Variants in SLC16A12 observed in about 807,000 individuals in gnomAD.
The protein encoded by SLC16A12 is solute carrier family 16 member 12, also known as monocarboxylate transporter 12.
A neutral mutation model predicts 42.4 loss-of-function variants in SLC16A12; 17 were observed. The observed-to-expected ratio is 0.40, with a 90% confidence interval of 0.27 to 0.60. The LOEUF (loss-of-function observed/expected upper bound fraction) is 0.60. Among genes scored for constraint, SLC16A12 ranks in the 20% least tolerant of loss-of-function variants. SLC16A12 has a pLI of 0.42. For synonymous variants in SLC16A12, 224 were observed against 229.4 expected (o/e 0.98, Z 0.21); for missense variants, 544 against 623.0 (o/e 0.87, Z 1.35).
At chr10:89,498,314 A>C (rs1472460165) in intron 2 of SLC16A12, among the ~76,000 whole-genome samples, 1 of 152,192 alleles carries the variant, frequency 6.6e-6, no homozygotes, top group South Asian at 2.1e-4. Context: ...CCTGGTTAAC[A>C]AAAAGAGACT....
intron 2 of SLC16A12, among the ~76,000 whole-genome samples, chr10:89,543,095 T>C (rs1843725133): frequency 6.6e-6 from 1 of 152,238 alleles, no homozygotes; most frequent in African/African-American, 2.4e-5. Context: ...GTAACTTCCC[T>C]TGAAAGGCAT....
intron 2 of SLC16A12, among the ~76,000 whole-genome samples, chr10:89,532,675 C>G (rs12354790): frequency 6.6e-6 from 1 of 152,084 alleles, no homozygotes; most frequent in Non-Finnish European, 1.5e-5. Flanking sequence ...TGGCTGTATA[C>G]GACTGAAAAA....
intron 2 of SLC16A12, among the ~76,000 whole-genome samples, chr10:89,550,714 T>C (rs1843765747): frequency 6.6e-6 from 1 of 151,876 alleles, no homozygotes; most frequent in Non-Finnish European, 1.5e-5. Flanking sequence ...TACTTAGCTA[T>C]GTTGGCTTTT....
chr10:89,446,365 G>T (rs1001384729), intron 3 of SLC16A12, among the ~76,000 whole-genome samples: 1 of 152,122 alleles, frequency 6.6e-6, no homozygotes, highest in Admixed American at 6.5e-5. Context: ...GAGAAAGGTC[G>T]GGTTACCCAC....
At chr10:89,467,675 T>C (rs1842425642) in intron 2 of SLC16A12, among the ~76,000 whole-genome samples, 1 of 152,130 alleles carries the variant, frequency 6.6e-6, no homozygotes, top group African/African-American at 2.4e-5. Flanking sequence ...TCACAAAGAG[T>C]AGGAAGAATA....
chr10:89,475,295 A>G (rs1842560246), intron 2 of SLC16A12, among the ~76,000 whole-genome samples: 1 of 152,144 alleles, frequency 6.6e-6, no homozygotes, highest in Non-Finnish European at 1.5e-5. Flanking sequence ...TCCAGCTGGT[A>G]GCCTTACAGA....
At chr10:89,514,809 G>A (rs1843221404) in intron 2 of SLC16A12, among the ~76,000 whole-genome samples, 1 of 152,226 alleles carries the variant, frequency 6.6e-6, no homozygotes, top group Non-Finnish European at 1.5e-5. Flanking sequence ...CGGGCCGGGT[G>A]CGCGGGTGCA....
intron 2 of SLC16A12, among the ~76,000 whole-genome samples, chr10:89,518,966 C>T (rs1317899709): frequency 6.6e-6 from 1 of 152,154 alleles, no homozygotes; most frequent in Non-Finnish European, 1.5e-5. Context: ...TAAATATACA[C>T]TATGATCACA....
In SLC16A12 at chr10:89,438,878, C is replaced by T; in HGVS notation, c.754G>A (p.Val252Met). The part of the protein sequence containing the change: ...CRTQKEDIKR[V>M]SPYSSLTKEW... ...TTGGTCAAAGATGAATAGGGAGACA[C>T]CCGCTTAATGTCTTCTTTCTGAGTT... Residue 252 changes from valine (V) to methionine (M), a missense_variant, in exon 6 of 8, where the codon GTG (valine) becomes ATG (methionine). Coordinates refer to ENST00000371790, the MANE Select transcript of SLC16A12 (RefSeq NM_213606.4). The T allele has an allele frequency of 1.2e-6, 2 of 1,612,606 alleles. No individual in the cohort carries two copies. Among genetic ancestry groups the T allele is most frequent in the African/African-American group, 2.7e-5 (2 of 74,492 alleles).
At chr10:89,473,733 C>A (rs1372326517) in intron 2 of SLC16A12, among the ~76,000 whole-genome samples, 1 of 152,064 alleles carries the variant, frequency 6.6e-6, no homozygotes, top group Non-Finnish European at 1.5e-5. Context: ...TTTTAGGGTA[C>A]CTTTGTAACC....
chr10:89,543,538 T>G (rs1430949879), intron 2 of SLC16A12, among the ~76,000 whole-genome samples: 1 of 152,130 alleles, frequency 6.6e-6, no homozygotes, highest in Non-Finnish European at 1.5e-5. Flanking sequence ...CTTATAAAAG[T>G]GCTTAGCTGG....
chr10:89,526,201 G>A (rs540104379), intron 2 of SLC16A12, among the ~76,000 whole-genome samples: 74 of 152,162 alleles, frequency 4.9e-4, no homozygotes, highest in African/African-American at 1.6e-3. Context: ...GTACATGGGG[G>A]AATTATAAAA....
chr10:89,530,992 T>C (rs1044509365), intron 2 of SLC16A12, among the ~76,000 whole-genome samples: 3 of 152,218 alleles, frequency 2.0e-5, no homozygotes, highest in African/African-American at 7.2e-5. Context: ...GCAGCATGTG[T>C]TGATATATTT....
At chr10:89,434,834 A>C (rs76385134) in intron 7 of SLC16A12, among the ~76,000 whole-genome samples, 1,527 of 152,336 alleles carry the variant, frequency 0.01, 14 homozygotes, top group South Asian at 0.049. Flanking sequence ...GCTGGTTGAA[A>C]ATGCAGATTT....
chr10:89,507,750 G>T (rs953852364), intron 2 of SLC16A12, among the ~76,000 whole-genome samples: 2 of 150,780 alleles, frequency 1.3e-5, no homozygotes, highest in African/African-American at 4.9e-5. Context: ...AATGTAAATG[G>T]GCTAAATGCC....
intron 3 of SLC16A12, among the ~76,000 whole-genome samples, chr10:89,444,762 G>A (rs959517018): frequency 6.6e-6 from 1 of 152,232 alleles, no homozygotes; most frequent in African/African-American, 2.4e-5. Flanking sequence ...GTTGGACAGT[G>A]GGTGTAGCCC....
chr10:89,510,751 A>G (rs1843149874), intron 2 of SLC16A12, among the ~76,000 whole-genome samples: 1 of 152,240 alleles, frequency 6.6e-6, no homozygotes, highest in African/African-American at 2.4e-5. Context: ...TAAACTAAAG[A>G]GCTTCTGCAC....
chr10:89,456,658 GC>G (rs1344603249), intron 3 of SLC16A12, among the ~76,000 whole-genome samples: 2 of 151,964 alleles, frequency 1.3e-5, no homozygotes, highest in Admixed American at 1.3e-4. Context: ...TAAGTATTAA[GC>G]CCAGCATGCA....
chr10:89,508,041 A>G (rs1251896039), intron 2 of SLC16A12, among the ~76,000 whole-genome samples: 2 of 152,200 alleles, frequency 1.3e-5, no homozygotes, highest in African/African-American at 2.4e-5. Flanking sequence ...TCCTAACTAT[A>G]TATGCATCCA....
Sources: gnomAD v4.1 joint callset for allele counts (sites outside exome capture counted in the v4.1 genomes callset) on GRCh38, gnomAD v4.1.1 for gene constraint, MANE v1.5 for transcripts, NCBI Gene and HGNC (gene_info 2026-07-23, HGNC 2026-07-21) for gene names.